The following HMGCS1 variants were observed in gnomAD, a reference collection of about 807,000 sequenced individuals.
HMGCS1 encodes the protein hydroxymethylglutaryl-CoA synthase, cytoplasmic.
A neutral mutation model predicts 52.3 loss-of-function variants in HMGCS1; 9 were observed. The ratio of observed to expected loss-of-function variants is 0.17; its 90% confidence interval spans 0.10 to 0.30. HMGCS1 has a LOEUF of 0.30. HMGCS1 is among the 10% of genes least tolerant of loss of function. The probability of loss-of-function intolerance (pLI) is 1.00; values close to 1 mark genes in which losing one functional copy is unlikely to be tolerated. For synonymous variants in HMGCS1, 176 were observed against 214.4 expected, an observed-to-expected ratio of 0.82 and a Z score of 1.57; for missense variants, 320 against 620.9, an observed-to-expected ratio of 0.52 and a Z score of 5.15.
chr5:43,306,258 A>G (rs1579664547), intron 2 of HMGCS1, among the ~76,000 whole-genome samples: 1 of 152,236 alleles, frequency 6.6e-6, no homozygotes, highest in East Asian at 1.9e-4. Flanking sequence ...AGACCTATAT[A>G]GTTATTCTGA....
chr5:43,294,248 T>C (rs1027057581), intron 7 of HMGCS1, 86 bp from the exon 8 acceptor site: 2 of 804,010 alleles, frequency 2.5e-6, no homozygotes, highest in Non-Finnish European at 2.1e-6. Context: ...AATAAAAATT[T>C]AGGCTATAAG....
intron 2 of HMGCS1, among the ~76,000 whole-genome samples, chr5:43,304,046 A>T (rs952596122): frequency 6.6e-6 from 1 of 152,236 alleles, no homozygotes; most frequent in African/African-American, 2.4e-5. Context: ...CACTTTGCTG[A>T]ATTTGAAATG....
chr5:43,313,000 C>G (rs538932062), intron 1 of HMGCS1: 2 of 154,608 alleles, frequency 1.3e-5, no homozygotes, highest in Non-Finnish European at 2.9e-5. Context: ...CTTCTCTCCC[C>G]CTCCTGACAC....
At chr5:43,304,135 CAAGA>C (rs976848900) in intron 2 of HMGCS1, among the ~76,000 whole-genome samples, 2 of 152,214 alleles carry the variant, frequency 1.3e-5, no homozygotes, top group African/African-American at 4.8e-5. Flanking sequence ...GGATAGTCCA[CAAGA>C]AAGAGCCCTA....
Position 43,288,000 on chromosome 5 carries a change from A to T in HMGCS1, c.*3131T>A, listed in dbSNP as rs1194420075. 6.6e-6 allele frequency: 1 copy of T among 152,256 alleles called. No homozygotes were observed. The allele number at this position is 152,256 out of a possible 1,614,324, so 9.4% of individuals were successfully genotyped here. ...ATGTTTGAGGAATGCAAGAGAAGGG[A>T]GAGTGGGTGAAGACATACTAAGCCT... On this transcript the variant is annotated 3_prime_UTR_variant, in exon 11 of 11. Coordinates refer to ENST00000325110, the MANE Select transcript of HMGCS1 (RefSeq NM_001098272.3).
intron 2 of HMGCS1, among the ~76,000 whole-genome samples, chr5:43,306,161 C>T (rs1032411593): frequency 8.5e-5 from 13 of 152,332 alleles, no homozygotes; most frequent in African/African-American, 3.1e-4. Flanking sequence ...ACAAAAGAAA[C>T]TCCATATGCT....
chr5:43,304,706 C>G (rs550912798), intron 2 of HMGCS1, among the ~76,000 whole-genome samples: 2 of 152,128 alleles, frequency 1.3e-5, no homozygotes, highest in African/African-American at 4.8e-5. Flanking sequence ...ACTAAAATAA[C>G]CCACATACAT....
intron 1 of HMGCS1, among the ~76,000 whole-genome samples, chr5:43,311,871 G>A (rs1288405252): frequency 3.3e-5 from 5 of 152,198 alleles, no homozygotes; most frequent in Non-Finnish European, 5.9e-5. Flanking sequence ...TGGGGTTACT[G>A]ATGATTATAC....
intron 4 of HMGCS1, 37 bp from the exon 5 acceptor site, chr5:43,297,203 T>C: frequency 6.5e-7 from 1 of 1,534,436 alleles, no homozygotes; most frequent in Non-Finnish European, 8.9e-7. Context: ...TATATATTTC[T>C]GCTTCTTGAT....
At chr5:43,311,322 CAAAA>C (rs34754612) in intron 1 of HMGCS1, among the ~76,000 whole-genome samples, 1 of 98,334 alleles carries the variant, frequency 1.0e-5, no homozygotes. Context: ...TCTGTCTCCC[CAAAA>C]AAAAAAAAAA....
At chr5:43,296,930 C>T (rs3733768) in intron 5 of HMGCS1, 72 bp downstream of exon 5, 605,020 of 1,134,432 alleles carry the variant, frequency 0.53, 164,817 homozygotes, top group Middle Eastern at 0.68. Flanking sequence ...AAGTAGTTGC[C>T]TACCAAAGAT....
At chr5:43,308,363 T>C (rs1754681566) in intron 1 of HMGCS1, among the ~76,000 whole-genome samples, 1 of 152,200 alleles carries the variant, frequency 6.6e-6, no homozygotes, top group Non-Finnish European at 1.5e-5. Flanking sequence ...ATAAAATATG[T>C]GAAGACACTT....
chr5:43,303,885 C>A (rs1298892923), intron 2 of HMGCS1, among the ~76,000 whole-genome samples: 1 of 152,228 alleles, frequency 6.6e-6, no homozygotes, highest in East Asian at 1.9e-4. Context: ...TACATTCCTA[C>A]TCCATTCATC....
chr5:43,308,654 A>G (rs1424168405), intron 1 of HMGCS1, among the ~76,000 whole-genome samples: 1 of 152,212 alleles, frequency 6.6e-6, no homozygotes, highest in Non-Finnish European at 1.5e-5. Context: ...CTGTTTTGAA[A>G]GACTGATTGT....
chr5:43,310,299 T>G (rs1211863838), intron 1 of HMGCS1, among the ~76,000 whole-genome samples: 1 of 152,210 alleles, frequency 6.6e-6, no homozygotes, highest in Admixed American at 6.5e-5. Flanking sequence ...CTGGAAGCTT[T>G]CCTCGATAAA....
At chr5:43,303,641 C>T (rs1288459897) in intron 2 of HMGCS1, among the ~76,000 whole-genome samples, 1 of 152,214 alleles carries the variant, frequency 6.6e-6, no homozygotes, top group Non-Finnish European at 1.5e-5. Context: ...TTTTACCAGA[C>T]ATAGCATATA....
At chr5:43,311,961 C>T (rs1214598364) in intron 1 of HMGCS1, among the ~76,000 whole-genome samples, 1 of 152,204 alleles carries the variant, frequency 6.6e-6, no homozygotes, top group Non-Finnish European at 1.5e-5. Context: ...CAAAGGTAGA[C>T]ACAAAGAAAG....
At position 43,304,407 on chromosome 5, in the gene HMGCS1, A is replaced by G. The variant is rs189270113; in HGVS notation, c.-11+3359T>C. Among the ~76,000 whole-genome samples, 899 of 152,360 alleles carry G rather than the reference A, an allele frequency of 5.9e-3. 13 individuals carry two copies. Among genetic ancestry groups the G allele is most frequent in the African/African-American group, 0.021 (862 of 41,582 alleles). On this transcript the variant is annotated intron_variant, in intron 2 of 10. Transcript: ENST00000325110. ...TTTTTGAAGGTATAAACCAGTTTGCAATATACTTGTACTCACTAATAAATT... is the reference window on the plus strand; with the variant it reads ...TTTTTGAAGGTATAAACCAGTTTGCGATATACTTGTACTCACTAATAAATT...
chr5:43,293,106 T>A, intron 8 of HMGCS1, 133 bp from the exon 9 acceptor site: 1 of 690,440 alleles, frequency 1.4e-6, no homozygotes, highest in Non-Finnish European at 2.4e-6. Flanking sequence ...ACTGATTAGT[T>A]AAAAGATAAG....
Sources: gnomAD v4.1 joint callset for allele counts (sites outside exome capture counted in the v4.1 genomes callset) on GRCh38, gnomAD v4.1.1 for gene constraint, MANE v1.5 for transcripts, NCBI Gene and HGNC (gene_info 2026-07-23, HGNC 2026-07-21) for gene names.